IL15: variants seen among roughly 807,000 people sequenced by gnomAD.
IL15 encodes interleukin-15.
IL15 carries 11 observed loss-of-function variants against 19.6 expected under a neutral mutation model. The observed-to-expected ratio is 0.56, with a 90% CI of 0.35 to 0.93. IL15 has a LOEUF of 0.93. Among genes scored for constraint, IL15 ranks in the 40% least tolerant of loss-of-function variants. The pLI is 0.01. For missense variants in IL15, 197 were observed against 186.5 expected, an observed-to-expected ratio of 1.06 and a Z score of -0.33; for synonymous variants, 58 against 59.6, an observed-to-expected ratio of 0.97 and a Z score of 0.12.
chr4:141,690,085 G>A (rs1337869294), intron 2 of IL15, among the ~76,000 whole-genome samples: 5 of 152,194 alleles, frequency 3.3e-5, no homozygotes, highest in Admixed American at 3.3e-4. Context: ...TACACCCTCT[G>A]CAGCCGCTGG....
intron 2 of IL15, among the ~76,000 whole-genome samples, chr4:141,704,078 A>G (rs1227490618): frequency 6.6e-6 from 1 of 152,100 alleles, no homozygotes; most frequent in African/African-American, 2.4e-5. Flanking sequence ...CCTGGGTAAG[A>G]TTTCCAGTAC....
chr4:141,650,034 A>G (rs1727352777), intron 1 of IL15, among the ~76,000 whole-genome samples: 1 of 152,004 alleles, frequency 6.6e-6, no homozygotes, highest in Non-Finnish European at 1.5e-5. Context: ...AATAATAATC[A>G]CCATTCATTT....
chr4:141,729,539 G>C (rs1432423262), intron 6 of IL15, among the ~76,000 whole-genome samples: 1 of 152,140 alleles, frequency 6.6e-6, no homozygotes, highest in Non-Finnish European at 1.5e-5. Flanking sequence ...TCTAAGGCCA[G>C]TATTATTACC....
At chr4:141,727,511 G>T (rs996217098) in intron 5 of IL15, among the ~76,000 whole-genome samples, 8 of 152,098 alleles carry the variant, frequency 5.3e-5, no homozygotes, top group Admixed American at 5.2e-4. Context: ...TGGGGAGAAA[G>T]GTGACTTTGG....
intron 2 of IL15, among the ~76,000 whole-genome samples, chr4:141,684,145 G>A (rs777469399): frequency 1.3e-5 from 2 of 152,150 alleles, no homozygotes; most frequent in Non-Finnish European, 2.9e-5. Flanking sequence ...TACCCAGACA[G>A]CTAAAAATTA....
chr4:141,690,326 AG>A (rs1728868925), intron 2 of IL15, among the ~76,000 whole-genome samples: 1 of 152,212 alleles, frequency 6.6e-6, no homozygotes, highest in South Asian at 2.1e-4. Flanking sequence ...GGTGGGCTGA[AG>A]GGCTCCTCAA....
At chr4:141,732,480 C>T (rs975953409) in intron 7 of IL15, among the ~76,000 whole-genome samples, 2 of 152,160 alleles carry the variant, frequency 1.3e-5, no homozygotes, top group Admixed American at 6.6e-5. Flanking sequence ...TTGAAGGGCT[C>T]AAAGCAGGAA....
intron 3 of IL15, among the ~76,000 whole-genome samples, 199 bp from the exon 4 acceptor site, chr4:141,720,270 G>T (rs1341665080): frequency 1.3e-5 from 2 of 152,038 alleles, no homozygotes; most frequent in Non-Finnish European, 2.9e-5. Flanking sequence ...AAGGAACTTT[G>T]TGCATAAGAG....
intron 2 of IL15, among the ~76,000 whole-genome samples, chr4:141,686,310 A>AAATAAATG (rs1329471516): frequency 6.7e-6 from 1 of 149,238 alleles, no homozygotes. Flanking sequence ...ATAAATAAAT[A>AAATAAATG]AATAAATAAA....
intron 1 of IL15, among the ~76,000 whole-genome samples, chr4:141,649,054 A>G (rs970735096): frequency 1.3e-5 from 2 of 151,962 alleles, no homozygotes; most frequent in African/African-American, 4.8e-5. Flanking sequence ...ATACTGAACT[A>G]CTCTCTGCCC....
At chr4:141,720,867 G>T in intron 4 of IL15, 2 of 525,246 alleles carry the variant, frequency 3.8e-6, no homozygotes, top group Admixed American at 3.7e-5. Flanking sequence ...ATTTTTCATG[G>T]CAATTAAAAG....
chr4:141,656,176 A>G lies in IL15; in HGVS notation c.-221-10A>G. On this transcript the variant is annotated splice_polypyrimidine_tract_variant and intron_variant, in intron 1 of 7. Coordinates refer to ENST00000320650, the MANE Select transcript of IL15 (RefSeq NM_000585.5). The stretch of plus-strand genomic sequence containing the variant: ...ATTAATCCTCTTATCCGTACCTTTG[A>G]CTCTTACAGAATCCATTCCAATATA... 2.5e-6 allele frequency: 1 copy of G among 398,230 alleles called. No individual in the cohort carries two copies. The allele number at this position is 398,230 out of a possible 1,614,324, so 24.7% of individuals were successfully genotyped here.
chr4:141,640,080 G>A (rs1350411221), intron 1 of IL15, among the ~76,000 whole-genome samples: 2 of 152,074 alleles, frequency 1.3e-5, no homozygotes, highest in Non-Finnish European at 2.9e-5. Context: ...TTTTTACTCA[G>A]CTTCCAGACT....
At chr4:141,724,175 A>G (rs1363429286) in intron 5 of IL15, among the ~76,000 whole-genome samples, 3 of 152,118 alleles carry the variant, frequency 2.0e-5, no homozygotes, top group Non-Finnish European at 2.9e-5. Context: ...ACAACGGGCA[A>G]ATCTCCAAAT....
chr4:141,696,088 A>T (rs932465082), intron 2 of IL15, among the ~76,000 whole-genome samples: 1 of 152,116 alleles, frequency 6.6e-6, no homozygotes, highest in African/African-American at 2.4e-5. Context: ...TTTAGGCTTT[A>T]CATTTAAGTA....
At chr4:141,694,209 C>G (rs774296461) in intron 2 of IL15, among the ~76,000 whole-genome samples, 3 of 152,152 alleles carry the variant, frequency 2.0e-5, no homozygotes, top group Non-Finnish European at 4.4e-5. Flanking sequence ...GTGAAATAAG[C>G]AAGTGATCAT....
At chr4:141,664,252 G>A (rs1333987753) in intron 2 of IL15, among the ~76,000 whole-genome samples, 2 of 151,592 alleles carry the variant, frequency 1.3e-5, no homozygotes, top group Admixed American at 1.3e-4. Flanking sequence ...AATAACCTGT[G>A]AGAGTTTCTA....
intron 2 of IL15, among the ~76,000 whole-genome samples, chr4:141,669,623 T>C (rs2152166532): frequency 6.6e-6 from 1 of 152,188 alleles, no homozygotes; most frequent in African/African-American, 2.4e-5. Flanking sequence ...AAATTTTGAT[T>C]TTAGATTTAT....
intron 2 of IL15, among the ~76,000 whole-genome samples, chr4:141,678,529 A>G (rs930866433): frequency 6.6e-6 from 1 of 151,614 alleles, no homozygotes; most frequent in Non-Finnish European, 1.5e-5. Flanking sequence ...TAGGGACCCC[A>G]TGGATTTTTC....
Sources: gnomAD v4.1 joint callset for allele counts (sites outside exome capture counted in the v4.1 genomes callset) on GRCh38, gnomAD v4.1.1 for gene constraint, MANE v1.5 for transcripts, NCBI Gene and HGNC (gene_info 2026-07-23, HGNC 2026-07-21) for gene names.